The following WDR70 variants were observed in gnomAD, a reference collection of about 807,000 sequenced individuals.
WDR70 encodes WD repeat-containing protein 70.
A neutral mutation model predicts 88.6 loss-of-function variants in WDR70; 53 were observed. The observed-to-expected ratio is 0.60, with a 90% CI of 0.48 to 0.75. The LOEUF is 0.75. Among genes scored for constraint, WDR70 ranks in the 30% least tolerant of loss-of-function variants. The pLI, the probability that WDR70 is intolerant of heterozygous loss-of-function variation, is 0.00. For synonymous variants in WDR70, 280 were observed against 270.0 expected, an observed-to-expected ratio of 1.04 and a Z score of -0.36; for missense variants, 610 against 823.2, an observed-to-expected ratio of 0.74 and a Z score of 3.17.
At position 37,418,633 on chromosome 5, in the gene WDR70, C is replaced by T. The variant is rs1259369542; in HGVS notation, c.493-19289C>T. Reference sequence around the variant, plus strand: ...TTGTATCATTTATCATTTCTTATAGCCATATACCTTCTTCTATATTCATAG... The same window carrying T: ...TTGTATCATTTATCATTTCTTATAGTCATATACCTTCTTCTATATTCATAG... On this transcript the variant is annotated intron_variant, in intron 5 of 17. Coordinates refer to ENST00000265107, the MANE Select transcript of WDR70 (RefSeq NM_018034.4). Among the ~76,000 whole-genome samples, 8 of 152,174 alleles carry T rather than the reference C, an allele frequency of 5.3e-5. No homozygotes were observed. The East Asian group carries it at 1.5e-3, about 29-fold the overall frequency.
Position 37,649,905 on chromosome 5 carries a change from T to A in WDR70, c.1092+44667T>A, listed in dbSNP as rs1236609372. Among the ~76,000 whole-genome samples, 873 of 144,670 alleles carry A rather than the reference T, an allele frequency of 6.0e-3. 4 individuals are homozygous for A. The highest frequency in any genetic ancestry group is 0.012 in the South Asian group (55 of 4,474). The allele number at this position is 144,670 out of a possible 152,430, so 94.9% of individuals were successfully genotyped here. On this transcript the variant is annotated intron_variant, in intron 10 of 17. Coordinates refer to ENST00000265107, the MANE Select transcript of WDR70 (RefSeq NM_018034.4). Reference sequence around the variant, plus strand: ...GGCGCCCGCCACCACGCCCGGCTAATTTTTTGTATTTTTAGTAGAGGCGGG... The same window carrying A: ...GGCGCCCGCCACCACGCCCGGCTAAATTTTTGTATTTTTAGTAGAGGCGGG...
intron 5 of WDR70, among the ~76,000 whole-genome samples, chr5:37,400,186 G>A (rs79543090): frequency 0.039 from 5,988 of 152,044 alleles, 147 homozygotes; most frequent in South Asian, 0.076. Context: ...CACCTGCCTC[G>A]GCCTCCCAAA....
In WDR70 at chr5:37,714,275, T is replaced by C. The variant is rs73067718; in HGVS notation, c.1417-6840T>C. ...AAAAGTTTCATGCATTACTGTTTTA[T>C]TTATATAAACATAGGATTGATGGTC... On this transcript the variant is annotated intron_variant, in intron 13 of 17. Coordinates refer to ENST00000265107, the MANE Select transcript of WDR70 (RefSeq NM_018034.4). Among the ~76,000 whole-genome samples, 1,149 of 152,330 alleles carry C rather than the reference T, an allele frequency of 7.5e-3. 18 individuals carry two copies. The highest frequency in any genetic ancestry group is 0.026 in the African/African-American group (1,082 of 41,556).
intron 9 of WDR70, among the ~76,000 whole-genome samples, chr5:37,562,942 C>T (rs945483329): frequency 1.8e-4 from 27 of 150,704 alleles, no homozygotes; most frequent in Admixed American, 6.7e-4. Flanking sequence ...CATCATGGCC[C>T]GTTCTCAATG....
At chr5:37,584,072 C>T (rs1006901532) in intron 9 of WDR70, among the ~76,000 whole-genome samples, 6 of 152,146 alleles carry the variant, frequency 3.9e-5, no homozygotes, top group African/African-American at 1.4e-4. Context: ...TTTCACTTAA[C>T]TGAATGTTTA....
At chr5:37,735,015 C>T (rs888433043) in intron 17 of WDR70, among the ~76,000 whole-genome samples, 1 of 152,114 alleles carries the variant, frequency 6.6e-6, no homozygotes, top group African/African-American at 2.4e-5. Context: ...TACATTTGAA[C>T]TTATCCATTT....
intron 10 of WDR70, among the ~76,000 whole-genome samples, chr5:37,656,106 C>T (rs1745547652): frequency 6.6e-6 from 1 of 151,812 alleles, no homozygotes; most frequent in Admixed American, 6.6e-5. Flanking sequence ...GATGCTGATG[C>T]CCTTTGGATG....
chr5:37,419,537 G>A (rs2111986713), intron 5 of WDR70, among the ~76,000 whole-genome samples: 2 of 151,432 alleles, frequency 1.3e-5, no homozygotes, highest in Middle Eastern at 7.0e-3. Context: ...ATTTAGGCTG[G>A]GCATGGTGGC....
intron 9 of WDR70, among the ~76,000 whole-genome samples, chr5:37,528,063 CAG>C (rs1268656338): frequency 3.3e-5 from 5 of 152,200 alleles, no homozygotes; most frequent in Non-Finnish European, 7.3e-5. Context: ...TTTTGGAAAA[CAG>C]TGTGGTGATT....
chr5:37,436,876 A>G (rs545253136), intron 5 of WDR70, among the ~76,000 whole-genome samples: 18 of 152,166 alleles, frequency 1.2e-4, no homozygotes, highest in Non-Finnish European at 2.4e-4. Flanking sequence ...GTTAGGTCAC[A>G]TGTTTAATTA....
At chr5:37,657,789 T>TA (rs1162705647) in intron 10 of WDR70, among the ~76,000 whole-genome samples, 1 of 152,224 alleles carries the variant, frequency 6.6e-6, no homozygotes, top group Admixed American at 6.5e-5. Flanking sequence ...TTCTCTGCCT[T>TA]ACCTTCTACA....
intron 5 of WDR70, 79 bp downstream of exon 5, chr5:37,396,649 T>C (rs1749023289): frequency 2.1e-6 from 3 of 1,447,452 alleles, no homozygotes; most frequent in African/African-American, 1.4e-5. Flanking sequence ...AAACTGTTTT[T>C]CATGAGTAAG....
intron 8 of WDR70, among the ~76,000 whole-genome samples, chr5:37,509,498 C>T (rs13176630): frequency 0.97 from 147,731 of 152,148 alleles, 71,881 homozygotes; most frequent in East Asian, 1. Flanking sequence ...AGTACTGGGA[C>T]TGTAGGCATG....
intron 10 of WDR70, among the ~76,000 whole-genome samples, chr5:37,663,872 C>T (rs897467618): frequency 1.3e-5 from 2 of 152,120 alleles, no homozygotes; most frequent in African/African-American, 4.8e-5. Context: ...ACTCCCTTTC[C>T]TGTATTTTTA....
In WDR70 at chr5:37,411,720, C is replaced by T. The variant is rs1359565085; in HGVS notation, c.492+15150C>T. ...CTGCCTGGGCTACAGAATGAGACTCCGTCTTGATTTGAAAAAAACAATTTG... is the reference window on the plus strand; with the variant it reads ...CTGCCTGGGCTACAGAATGAGACTCTGTCTTGATTTGAAAAAAACAATTTG... On this transcript the variant is annotated intron_variant, in intron 5 of 17. Transcript: ENST00000265107. 4.6e-5 allele frequency among the ~76,000 whole-genome samples: 7 copies of T among 151,980 alleles called. No homozygotes were observed. In the South Asian group the frequency reaches 8.3e-4, roughly 18 times the overall value.
intron 9 of WDR70, among the ~76,000 whole-genome samples, chr5:37,535,715 AG>A (rs1051326100): frequency 6.6e-6 from 1 of 152,224 alleles, no homozygotes; most frequent in Non-Finnish European, 1.5e-5. Flanking sequence ...AATATATACC[AG>A]CACTGGGCAA....
At chr5:37,726,593 CT>C (rs1747975051) in intron 16 of WDR70, among the ~76,000 whole-genome samples, 1 of 152,072 alleles carries the variant, frequency 6.6e-6, no homozygotes. Context: ...GCCAGAGGAA[CT>C]TTTTAAAGCA....
chr5:37,553,155 G>T (rs1388220035), intron 9 of WDR70, among the ~76,000 whole-genome samples: 1 of 152,150 alleles, frequency 6.6e-6, no homozygotes, highest in Non-Finnish European at 1.5e-5. Flanking sequence ...CTTGATAGTT[G>T]GTGTGGGGGA....
chr5:37,617,987 T>C (rs920147533), intron 10 of WDR70, among the ~76,000 whole-genome samples: 1 of 152,216 alleles, frequency 6.6e-6, no homozygotes, highest in Non-Finnish European at 1.5e-5. Context: ...TTCACATAAG[T>C]ATTTACTTAT....
Sources: gnomAD v4.1 joint callset for allele counts (sites outside exome capture counted in the v4.1 genomes callset) on GRCh38, gnomAD v4.1.1 for gene constraint, MANE v1.5 for transcripts, NCBI Gene and HGNC (gene_info 2026-07-23, HGNC 2026-07-21) for gene names.